The following ALK variants were observed in gnomAD, a reference collection of about 807,000 sequenced individuals.
ALK encodes ALK receptor tyrosine kinase.
A neutral mutation model predicts 163.1 loss-of-function variants in ALK; 74 were observed. The ratio of observed to expected loss-of-function variants is 0.45; its 90% CI spans 0.38 to 0.55. The LOEUF is 0.55. Among genes scored for constraint, ALK ranks in the 20% least tolerant of loss-of-function variants. ALK has a pLI of 0.00. For synonymous variants in ALK, 960 were observed against 843.2 expected (o/e 1.14, Z -2.40); for missense variants, 2,063 against 2,105.3 (o/e 0.98, Z 0.39).
chr2:29,535,989 A>G (rs1173837230), intron 3 of ALK, among the ~76,000 whole-genome samples: 2 of 152,060 alleles, frequency 1.3e-5, no homozygotes, highest in Non-Finnish European at 2.9e-5. Context: ...CTCTCTCCCG[A>G]TTTACACACA....
At chr2:29,870,706 T>C (rs1180489265) in intron 1 of ALK, among the ~76,000 whole-genome samples, 1 of 152,240 alleles carries the variant, frequency 6.6e-6, no homozygotes. Flanking sequence ...CATCTGCTTC[T>C]ACAAATAAAA....
At chr2:29,712,963 G>T (rs1472870655) in intron 2 of ALK, among the ~76,000 whole-genome samples, 1 of 152,114 alleles carries the variant, frequency 6.6e-6, no homozygotes, top group Non-Finnish European at 1.5e-5. Flanking sequence ...TCAACTGGGT[G>T]GCTTAAAATA....
In ALK at chr2:29,920,727, G is replaced by C; in HGVS notation, c.-68C>G. On this transcript the variant is annotated 5_prime_UTR_variant, in exon 1 of 29. Transcript: ENST00000389048. ...TCACCCTTCGCTCTCCCCGAGATGG[G>C]AAGAGGCTCTGAACAGTCCTTGGTA... The C allele has an allele frequency of 7.2e-7, 1 of 1,397,794 alleles. No homozygotes were observed. The highest frequency in any genetic ancestry group is 2.5e-5 in the East Asian group (1 of 40,164). The allele number at this position is 1,397,794 out of a possible 1,614,324, so 86.6% of individuals were successfully genotyped here.
intron 1 of ALK, among the ~76,000 whole-genome samples, chr2:29,769,155 C>T (rs1680947653): frequency 6.6e-6 from 1 of 152,114 alleles, no homozygotes. Flanking sequence ...TCATAGTTCT[C>T]TTTATCTCTC....
At chr2:29,733,373 C>T (rs1679800414) in intron 1 of ALK, among the ~76,000 whole-genome samples, 1 of 152,070 alleles carries the variant, frequency 6.6e-6, no homozygotes, top group African/African-American at 2.4e-5. Flanking sequence ...AAAAGGAGGC[C>T]AGATGGGGAA....
At chr2:29,212,751 G>GCT (rs55844836) in intron 24 of ALK, among the ~76,000 whole-genome samples, 60,323 of 151,514 alleles carry the variant, frequency 0.4, 13,758 homozygotes, top group Non-Finnish European at 0.52. Context: ...TTGTTGCCCA[G>GCT]GCTGGAGTGC....
intron 4 of ALK, among the ~76,000 whole-genome samples, chr2:29,475,129 A>G (rs1671477302): frequency 2.0e-5 from 3 of 152,124 alleles, no homozygotes; most frequent in Admixed American, 1.3e-4. Context: ...GAAGCATCAG[A>G]CAACTCGAGA....
At chr2:29,522,438 G>C (rs779032681) in intron 4 of ALK, among the ~76,000 whole-genome samples, 1 of 152,136 alleles carries the variant, frequency 6.6e-6, no homozygotes, top group South Asian at 2.1e-4. Flanking sequence ...AGGAAGGGAC[G>C]TGAATTCCTA....
chr2:29,690,183 C>T (rs988817662), intron 3 of ALK, among the ~76,000 whole-genome samples: 2 of 152,162 alleles, frequency 1.3e-5, no homozygotes, highest in African/African-American at 4.8e-5. Flanking sequence ...GCATCCTTAG[C>T]CACTCCAGGG....
chr2:29,619,962 G>A (rs369503071), intron 3 of ALK, among the ~76,000 whole-genome samples: 217 of 152,310 alleles, frequency 1.4e-3, no homozygotes, highest in African/African-American at 5.0e-3. Context: ...TAGCAGCCCC[G>A]AGGGATGCCT....
At chr2:29,471,652 T>C (rs1229293128) in intron 4 of ALK, among the ~76,000 whole-genome samples, 3 of 152,182 alleles carry the variant, frequency 2.0e-5, no homozygotes, top group African/African-American at 7.2e-5. Context: ...TTTCCAAATA[T>C]GGTCACAGCA....
intron 3 of ALK, among the ~76,000 whole-genome samples, chr2:29,595,065 T>G (rs190656192): frequency 2.6e-5 from 4 of 152,292 alleles, no homozygotes; most frequent in Admixed American, 2.6e-4. Flanking sequence ...GAATGAAAAG[T>G]GAAAATCAAT....
At chr2:29,446,371 C>T (rs1316186738) in intron 4 of ALK, among the ~76,000 whole-genome samples, 2 of 152,062 alleles carry the variant, frequency 1.3e-5, no homozygotes, top group Admixed American at 6.5e-5. Flanking sequence ...CTCCGATCCC[C>T]TTGTAGAAAA....
chr2:29,585,301 A>G (rs982100479), intron 3 of ALK, among the ~76,000 whole-genome samples: 1 of 152,166 alleles, frequency 6.6e-6, no homozygotes, highest in African/African-American at 2.4e-5. Context: ...TATGCAGTTA[A>G]TATTTCAATG....
At chr2:29,461,088 A>C (rs1199816196) in intron 4 of ALK, among the ~76,000 whole-genome samples, 1 of 152,220 alleles carries the variant, frequency 6.6e-6, no homozygotes, top group Non-Finnish European at 1.5e-5. Context: ...TATTCTCTTC[A>C]GCCAAAGCCT....
intron 3 of ALK, among the ~76,000 whole-genome samples, chr2:29,693,978 C>A (rs1246964383): frequency 6.6e-6 from 1 of 152,124 alleles, no homozygotes; most frequent in Non-Finnish European, 1.5e-5. Context: ...AAAAAACTAC[C>A]CTGAATGTCT....
chr2:29,635,855 T>C (rs1676508691), intron 3 of ALK, among the ~76,000 whole-genome samples: 1 of 151,970 alleles, frequency 6.6e-6, no homozygotes, highest in Non-Finnish European at 1.5e-5. Flanking sequence ...GGTCACGAAC[T>C]CCTGACCTCA....
At chr2:29,822,190 T>A (rs1165582346) in intron 1 of ALK, among the ~76,000 whole-genome samples, 1 of 152,316 alleles carries the variant, frequency 6.6e-6, no homozygotes, top group South Asian at 2.1e-4. Context: ...AAGGACTGAA[T>A]GGCGAATAAT....
At chr2:29,710,741 A>G (rs1309554000) in intron 2 of ALK, among the ~76,000 whole-genome samples, 1 of 151,992 alleles carries the variant, frequency 6.6e-6, no homozygotes, top group African/African-American at 2.4e-5. Flanking sequence ...TGAGCTCCTG[A>G]CCTCAGGTGA....
Sources: gnomAD v4.1 joint callset for allele counts (sites outside exome capture counted in the v4.1 genomes callset) on GRCh38, gnomAD v4.1.1 for gene constraint, MANE v1.5 for transcripts, NCBI Gene and HGNC (gene_info 2026-07-23, HGNC 2026-07-21) for gene names.